The following PTCHD4 variants were observed in gnomAD, a reference collection of about 807,000 sequenced individuals.
PTCHD4 encodes the protein patched domain containing 4, also known as patched domain-containing protein 4.
PTCHD4 carries 33 observed loss-of-function variants against 58.1 expected under a neutral mutation model. The observed-to-expected ratio is 0.57, with a 90% CI of 0.43 to 0.76. The LOEUF (loss-of-function observed/expected upper bound fraction) is 0.76, where lower values mean the gene tolerates loss of function less well. PTCHD4 is among the 30% of genes least tolerant of loss of function. PTCHD4 has a pLI of 0.00. For missense variants in PTCHD4, 1,058 were observed against 1,027.1 expected (o/e 1.03, Z -0.41); for synonymous variants, 478 against 409.6 (o/e 1.17, Z -2.02).
chr6:47,934,899 C>T (rs555705674), intron 4 of PTCHD4, among the ~76,000 whole-genome samples: 25 of 152,180 alleles, frequency 1.6e-4, no homozygotes, highest in Admixed American at 1.5e-3. Context: ...CTTTGTAAAC[C>T]AACTTATATA....
rs185723492 is a variant in PTCHD4, at chr6:48,002,060, G to T, written c.898+6574C>A. On this transcript the variant is annotated intron_variant, in intron 4 of 4. Coordinates refer to ENST00000339488, the MANE Select transcript of PTCHD4 (RefSeq NM_001384253.1). The stretch of plus-strand genomic sequence containing the variant: ...AAATGCAAATCAAAAACCACAATGA[G>T]ATACCATCACACACCAGTTAGAATG... Among the ~76,000 whole-genome samples, 239 of 152,292 alleles carry T rather than the reference G, an allele frequency of 1.6e-3. 7 individuals are homozygous for T. Among genetic ancestry groups the T allele is most frequent in the Admixed American group, 0.014 (210 of 15,296 alleles).
chr6:47,930,296 A>C (rs962473457), intron 4 of PTCHD4, among the ~76,000 whole-genome samples: 1 of 152,204 alleles, frequency 6.6e-6, no homozygotes, highest in Non-Finnish European at 1.5e-5. Context: ...GATTCATTCT[A>C]AATATATTCA....
chr6:47,907,302 C>T (rs575262678), intron 4 of PTCHD4, among the ~76,000 whole-genome samples: 7 of 152,272 alleles, frequency 4.6e-5, no homozygotes, highest in Non-Finnish European at 1.0e-4. Flanking sequence ...AGCACAACCA[C>T]TGTGTAGAAT....
chr6:48,072,351 G>C (rs1234699954), intron 1 of PTCHD4, among the ~76,000 whole-genome samples: 1 of 151,996 alleles, frequency 6.6e-6, no homozygotes, highest in Non-Finnish European at 1.5e-5. Flanking sequence ...ATACTTTCTT[G>C]CTTAAATTTT....
intron 1 of PTCHD4, among the ~76,000 whole-genome samples, chr6:48,096,899 T>A (rs1765481914): frequency 6.6e-6 from 1 of 152,136 alleles, no homozygotes; most frequent in South Asian, 2.1e-4. Context: ...ATTGATTATT[T>A]GACTGTTTCA....
intron 4 of PTCHD4, among the ~76,000 whole-genome samples, chr6:47,895,691 T>C (rs936478657): frequency 6.6e-6 from 1 of 152,128 alleles, no homozygotes; most frequent in Non-Finnish European, 1.5e-5. Context: ...GCACAGATAT[T>C]TTCTAGAATT....
At chr6:48,078,683 C>T (rs1034570754) in intron 1 of PTCHD4, among the ~76,000 whole-genome samples, 34 of 151,768 alleles carry the variant, frequency 2.2e-4, no homozygotes, top group African/African-American at 8.2e-4. Context: ...TCATTTTCTT[C>T]TTCCTTTTTT....
At chr6:47,908,958 C>T (rs1002491397) in intron 4 of PTCHD4, among the ~76,000 whole-genome samples, 2 of 152,102 alleles carry the variant, frequency 1.3e-5, no homozygotes, top group African/African-American at 4.8e-5. Context: ...ACGCTTTGCT[C>T]ATTTAAAAAG....
At chr6:47,881,364 C>G (rs1486971098) in intron 4 of PTCHD4, among the ~76,000 whole-genome samples, 1 of 152,134 alleles carries the variant, frequency 6.6e-6, no homozygotes, top group Non-Finnish European at 1.5e-5. Context: ...ATTTCCCAGC[C>G]TAGTTTTCAA....
At chr6:48,093,117 T>C (rs1197020475) in intron 1 of PTCHD4, among the ~76,000 whole-genome samples, 2 of 152,182 alleles carry the variant, frequency 1.3e-5, no homozygotes, top group African/African-American at 4.8e-5. Flanking sequence ...GTATAAAACC[T>C]TTCATCTTTG....
chr6:48,099,247 AC>A (rs1765543844), intron 1 of PTCHD4, among the ~76,000 whole-genome samples: 1 of 152,182 alleles, frequency 6.6e-6, no homozygotes, highest in Non-Finnish European at 1.5e-5. Flanking sequence ...TTAAAGGGAT[AC>A]CTGCTTCCAG....
At chr6:47,886,469 G>A (rs1016182712) in intron 4 of PTCHD4, among the ~76,000 whole-genome samples, 2 of 151,526 alleles carry the variant, frequency 1.3e-5, no homozygotes, top group East Asian at 1.9e-4. Flanking sequence ...TATGAGAGAC[G>A]TAAGAAATAG....
intron 1 of PTCHD4, among the ~76,000 whole-genome samples, chr6:48,081,744 T>A (rs1335561931): frequency 6.6e-6 from 1 of 152,154 alleles, no homozygotes; most frequent in Non-Finnish European, 1.5e-5. Flanking sequence ...ATTTGTAGGA[T>A]TGTAGGCATT....
intron 1 of PTCHD4, among the ~76,000 whole-genome samples, chr6:48,098,952 GAAGACTT>G (rs1343945703): frequency 6.6e-6 from 1 of 151,550 alleles, no homozygotes; most frequent in Non-Finnish European, 1.5e-5. Flanking sequence ...ATTTTTTTTT[GAAGACTT>G]AAGTACCTAG....
At chr6:48,019,199 C>T (rs1762969278) in intron 3 of PTCHD4, among the ~76,000 whole-genome samples, 1 of 152,192 alleles carries the variant, frequency 6.6e-6, no homozygotes, top group African/African-American at 2.4e-5. Context: ...ATGTGACACA[C>T]AGCACAGGTG....
rs147897597 is a variant in PTCHD4 at position 48,097,166 on chromosome 6, A to G, written c.-970+13883T>C. Among the ~76,000 whole-genome samples the G allele has an allele frequency of 1.1e-3, 169 of 152,220 alleles. 5 individuals are homozygous for G. In the East Asian group the frequency reaches 0.03, roughly 27 times the overall value. ...TCCACTTAGAGAATAAAAGCTTATA[A>G]AATTTAAATGTGCTTGAGAAAGACA... On this transcript the variant is annotated intron_variant, in intron 1 of 4. Coordinates refer to ENST00000339488, the MANE Select transcript of PTCHD4 (RefSeq NM_001384253.1).
intron 4 of PTCHD4, among the ~76,000 whole-genome samples, chr6:47,983,596 G>A (rs1767962799): frequency 6.6e-6 from 1 of 152,156 alleles, no homozygotes; most frequent in African/African-American, 2.4e-5. Flanking sequence ...ACAAAACTCA[G>A]TCTTTGTGTG....
At chr6:47,906,472 C>T (rs7767995) in intron 4 of PTCHD4, among the ~76,000 whole-genome samples, 12,430 of 151,998 alleles carry the variant, frequency 0.082, 549 homozygotes, top group South Asian at 0.14. Flanking sequence ...TGTTAGGCCA[C>T]GAGCCATATA....
At chr6:47,985,389 A>G (rs1281484742) in intron 4 of PTCHD4, among the ~76,000 whole-genome samples, 2 of 152,186 alleles carry the variant, frequency 1.3e-5, no homozygotes, top group African/African-American at 2.4e-5. Flanking sequence ...TAATATTTTC[A>G]GATGGTAATA....
Sources: allele counts gnomAD v4.1 joint callset (sites outside exome capture counted in the v4.1 genomes callset), GRCh38; gene constraint gnomAD v4.1.1; transcripts MANE v1.5; gene names NCBI Gene and HGNC (gene_info 2026-07-23, HGNC 2026-07-21).